MED21: variants seen among roughly 807,000 people sequenced by gnomAD.
MED21 encodes mediator of RNA polymerase II transcription subunit 21.
MED21 carries 9 observed loss-of-function variants against 18.2 expected under a neutral mutation model. The observed-to-expected ratio is 0.49, with a 90% CI of 0.30 to 0.86. MED21 has a LOEUF of 0.86. MED21 is among the 40% of genes least tolerant of loss of function. The probability of loss-of-function intolerance (pLI) is 0.07; values close to 1 mark genes in which losing one functional copy is unlikely to be tolerated. For synonymous variants in MED21, 73 were observed against 60.5 expected, an observed-to-expected ratio of 1.21 and a Z score of -0.96; for missense variants, 150 against 170.9, an observed-to-expected ratio of 0.88 and a Z score of 0.68.
chr12:27,022,648 T>TA (rs1357896697), intron 1 of MED21, 27 bp downstream of exon 1: 1 of 1,609,354 alleles, frequency 6.2e-7, no homozygotes, highest in East Asian at 2.2e-5. Flanking sequence ...GATTAGCCTC[T>TA]GTCTTTCTCT....
intron 1 of MED21, chr12:27,022,901 G>A (rs1300380346): frequency 2.2e-6 from 3 of 1,355,740 alleles, no homozygotes; most frequent in Admixed American, 2.9e-5. Flanking sequence ...TGGGCTGCGC[G>A]GTCCTGTCGT....
Sources: allele counts gnomAD v4.1 joint callset, GRCh38; gene constraint gnomAD v4.1.1; transcripts MANE v1.5; gene names NCBI Gene and HGNC (gene_info 2026-07-23, HGNC 2026-07-21).